The following CAVIN2 variants were observed in gnomAD, a reference collection of about 807,000 sequenced individuals.
CAVIN2 encodes caveolae-associated protein 2.
Under a neutral mutation model 11.7 loss-of-function variants are expected in CAVIN2, and 13 were observed. The observed-to-expected ratio is 1.11, with a 90% confidence interval of 0.72 to 1.77. The LOEUF (loss-of-function observed/expected upper bound fraction) is 1.77, where lower values mean the gene tolerates loss of function less well. CAVIN2 is among the 40% of genes most tolerant of loss of function. The pLI is 0.00. For synonymous variants in CAVIN2, 237 were observed against 223.2 expected (o/e 1.06, Z -0.55); for missense variants, 549 against 542.9 (o/e 1.01, Z -0.11).
chr2:191,844,982 T>A (rs535015284), intron 1 of CAVIN2, among the ~76,000 whole-genome samples: 2 of 152,244 alleles, frequency 1.3e-5, no homozygotes, highest in Non-Finnish European at 2.9e-5. Flanking sequence ...TCTGTACATG[T>A]TTGGTTTTGT....
Position 191,835,859 on chromosome 2 carries a change from AGTTTGTTCTTCAGCCCTGGCT to A in CAVIN2, c.*43_*63del. On this transcript the variant is annotated 3_prime_UTR_variant, in exon 2 of 2. Transcript: ENST00000304141. Reference sequence around the variant, plus strand: ...GTGAGTCGTGCTGGAGATGTGCAAGAGTTTGTTCTTCAGCCCTGGCTGCCCGCTTGAGCACAGCACAGGATG... The same window carrying A: ...GTGAGTCGTGCTGGAGATGTGCAAGAGCCCGCTTGAGCACAGCACAGGATG... The A allele has an allele frequency of 6.7e-7, 1 of 1,492,412 alleles. No individual in the cohort carries two copies. Among genetic ancestry groups the A allele is most frequent in the South Asian group, 1.2e-5 (1 of 80,494 alleles). 92.4% of individuals were successfully genotyped at this position (1,492,412 alleles called of 1,614,324 possible).
At chr2:191,838,452 C>T (rs763331098) in intron 1 of CAVIN2, among the ~76,000 whole-genome samples, 8 of 152,072 alleles carry the variant, frequency 5.3e-5, no homozygotes, top group African/African-American at 1.9e-4. Context: ...CTTGTGTCGA[C>T]GCAAAAAGCA....
At chr2:191,844,562 C>T (rs1177926147) in intron 1 of CAVIN2, among the ~76,000 whole-genome samples, 1 of 152,126 alleles carries the variant, frequency 6.6e-6, no homozygotes, top group Non-Finnish European at 1.5e-5. Context: ...ATATTCTTAG[C>T]TTCCAGTTTG....
intron 1 of CAVIN2, among the ~76,000 whole-genome samples, chr2:191,841,743 T>C (rs1397513668): frequency 2.6e-5 from 4 of 152,194 alleles, no homozygotes; most frequent in Admixed American, 2.0e-4. Flanking sequence ...GGGGCAGCAT[T>C]TACTTGGAAG....
Position 191,835,884 on chromosome 2 carries a change from C to CGT in CAVIN2, c.*38_*39insAC, listed in dbSNP as rs760926016. 6.4e-7 allele frequency: 1 copy of CGT among 1,568,700 alleles called. No individual in the cohort carries two copies. Among genetic ancestry groups the CGT allele is most frequent in the South Asian group, 1.2e-5 (1 of 85,846 alleles). On this transcript the variant is annotated 3_prime_UTR_variant, in exon 2 of 2. Coordinates refer to ENST00000304141, the MANE Select transcript of CAVIN2 (RefSeq NM_004657.6). ...AGTTTGTTCTTCAGCCCTGGCTGCC[C>CGT]GCTTGAGCACAGCACAGGATGGCAC...
Position 191,836,682 on chromosome 2 carries a change from T to C in CAVIN2, c.519A>G (p.Lys173=), listed in dbSNP as rs61742216. The change falls in exon 2 of 2, where the codon AAA becomes AAG. Residue 173 remains lysine, a synonymous_variant. Coordinates refer to ENST00000304141, the MANE Select transcript of CAVIN2 (RefSeq NM_004657.6). The part of the protein sequence containing the change: ...ENEIPASVFV[K]QPVSGAVEGK... ...CTTCCACGGCACCGGAAACGGGCTG[T>C]TTCACAAACACGCTGGCAGGGATCT... 6,770 of 1,613,768 alleles carry C rather than the reference T, an allele frequency of 4.2e-3. 242 individuals carry two copies. In the African/African-American group the frequency reaches 0.08, roughly 19 times the overall value.
Position 191,835,933 on chromosome 2 carries a change from T to C in CAVIN2, c.1268A>G (p.Gln423Arg). ...ACGGTGGCTCTAAGCTCAGGAGGTC[T>C]GGTGCACCTGGAGCACGGCGGGCTG... The part of the protein sequence containing the change: ...PVQPAVLQVH[Q>R]TS The change falls in exon 2 of 2, where the codon CAG (glutamine) becomes CGG (arginine). Residue 423 changes from glutamine to arginine, a missense_variant. Transcript: ENST00000304141. 1 of 1,611,800 alleles carries C rather than the reference T, an allele frequency of 6.2e-7. No homozygotes were observed. The highest frequency in any genetic ancestry group is 8.5e-7 in the Non-Finnish European group (1 of 1,179,550).
chr2:191,845,330 G>T (rs1008418480), intron 1 of CAVIN2, among the ~76,000 whole-genome samples: 1 of 152,216 alleles, frequency 6.6e-6, no homozygotes, highest in Non-Finnish European at 1.5e-5. Context: ...TGAAAAAGAA[G>T]ACTCCCTCGG....
chr2:191,837,616 C>T (rs1574194046), intron 1 of CAVIN2, among the ~76,000 whole-genome samples: 1 of 152,174 alleles, frequency 6.6e-6, no homozygotes, highest in South Asian at 2.1e-4. Context: ...GATGGCTCCT[C>T]TTGGCTCTCA....
chr2:191,836,389 ATCT>A lies in CAVIN2; in HGVS notation c.809_811del (p.Lys270del). The A allele has an allele frequency of 1.2e-6, 2 of 1,613,794 alleles. No individual in the cohort carries two copies. The highest frequency in any genetic ancestry group is 1.7e-6 in the Non-Finnish European group (2 of 1,179,916). On this transcript the variant is annotated inframe_deletion, in exon 2 of 2. Coordinates refer to ENST00000304141, the MANE Select transcript of CAVIN2 (RefSeq NM_004657.6). ...GTGATTTGACGTGAGAGATTTCTTA[ATCT>A]TCTCTCTCCTCTCTACAGATACGAT...
rs1287566890 is a variant in CAVIN2, at chr2:191,835,064, A to C, written c.*859T>G. The C allele has an allele frequency of 6.6e-6, 1 of 152,080 alleles. No homozygotes were observed. Among genetic ancestry groups the C allele is most frequent in the Non-Finnish European group, 1.5e-5 (1 of 67,970 alleles). 9.4% of individuals were successfully genotyped at this position (152,080 alleles called of 1,614,324 possible). ...AGAAAAATACAGCTTTAACACTATA[A>C]AATGTTTATTATTAAAAATATTAGA... is the stretch of plus-strand genomic sequence containing the variant. On this transcript the variant is annotated 3_prime_UTR_variant, in exon 2 of 2. Transcript: ENST00000304141.
intron 1 of CAVIN2, among the ~76,000 whole-genome samples, chr2:191,838,916 G>T (rs973916814): frequency 2.6e-5 from 4 of 152,244 alleles, no homozygotes; most frequent in Non-Finnish European, 5.9e-5. Context: ...AAGGAAGTTT[G>T]CTGACTGCTG....
In CAVIN2 at chr2:191,835,503, T is replaced by G. The variant is rs1003590299; in HGVS notation, c.*420A>C. 1 of 164,838 alleles carries G rather than the reference T, an allele frequency of 6.1e-6. No homozygotes were observed. The highest frequency in any genetic ancestry group is 1.7e-4 in the South Asian group (1 of 5,808). 10.2% of individuals were successfully genotyped at this position (164,838 alleles called of 1,614,324 possible). A position where few individuals can be genotyped will look rare whatever the true frequency, so the allele number is the denominator to read the frequency against. ...ATATTATATATCAACACTTAAAGAATAATAATTAGATTCACAGAGTACGGT... is the reference window on the plus strand; with the variant it reads ...ATATTATATATCAACACTTAAAGAAGAATAATTAGATTCACAGAGTACGGT... On this transcript the variant is annotated 3_prime_UTR_variant, in exon 2 of 2. Transcript: ENST00000304141.
intron 1 of CAVIN2, among the ~76,000 whole-genome samples, chr2:191,843,905 T>C (rs1690130141): frequency 6.6e-6 from 1 of 152,186 alleles, no homozygotes. Flanking sequence ...TGTTCAAGAG[T>C]ACGTGCTTTG....
chr2:191,835,647 A>T lies in CAVIN2; in HGVS notation c.*276T>A. ...CTCTGTTTTTTTCTGACTAAGTCAA[A>T]GAGATTAGCATTTTTCAACTGCTCA... On this transcript the variant is annotated 3_prime_UTR_variant, in exon 2 of 2. Coordinates refer to ENST00000304141, the MANE Select transcript of CAVIN2 (RefSeq NM_004657.6). 1 of 403,848 alleles carries T rather than the reference A, an allele frequency of 2.5e-6. No homozygotes were observed. Among genetic ancestry groups the T allele is most frequent in the Non-Finnish European group, 4.4e-6 (1 of 226,124 alleles). 25.0% of individuals were successfully genotyped at this position (403,848 alleles called of 1,614,324 possible). A position where few individuals can be genotyped will look rare whatever the true frequency, so the allele number is the denominator to read the frequency against.
At position 191,836,535 on chromosome 2, in the gene CAVIN2, C is replaced by A. The variant is rs147167417; in HGVS notation, c.666G>T (p.Lys222Asn). ...TTTTCTCTGCCCTACTTTCTTCCAC[C>A]TTTTCCTCGGCACTGTCTTCCAGGG... ...EEALEDSAEE[K>N]VEESRAEKIK... Residue 222 changes from lysine to asparagine, a missense_variant, in exon 2 of 2, where the codon AAG (lysine) becomes AAT (asparagine). By Grantham distance (94) the Lys-to-Asn change is moderately conservative (BLOSUM62 0). Transcript: ENST00000304141. 3.0e-5 allele frequency: 49 copies of A among 1,614,086 alleles called. No homozygotes were observed. In the African/African-American group the frequency reaches 5.7e-4, roughly 19 times the overall value.
At chr2:191,836,851 A>C (rs1035380421) in intron 1 of CAVIN2, 134 bp from the exon 2 acceptor site, 75 of 848,646 alleles carry the variant, frequency 8.8e-5, no homozygotes, top group Non-Finnish European at 1.2e-4. Context: ...TGAGTTTTCT[A>C]GAATAGGAAG....
Position 191,846,762 on chromosome 2 carries a change from G to A in CAVIN2, c.164C>T (p.Ala55Val), listed in dbSNP as rs376834747. Residue 55 changes from alanine (A) to valine (V), a missense_variant, in exon 1 of 2, where the codon GCA (alanine) becomes GTA (valine). Coordinates refer to ENST00000304141, the MANE Select transcript of CAVIN2 (RefSeq NM_004657.6). ...GTCCAGGAGCGTGAGCACCGTGACT[G>A]CGTTCACCTGTGAGTTGTCCCGGAT... ...EAIRDNSQVN[A>V]VTVLTLLDKL... 2 of 1,614,092 alleles carry A rather than the reference G, an allele frequency of 1.2e-6. No homozygotes were observed. Among genetic ancestry groups the A allele is most frequent in the African/African-American group, 2.7e-5 (2 of 74,932 alleles).
At position 191,846,586 on chromosome 2, in the gene CAVIN2, G is replaced by T. The variant is rs781069287; in HGVS notation, c.340C>A (p.Leu114Met). Residue 114 changes from leucine to methionine, a missense_variant, in exon 1 of 2, where the codon CTG becomes ATG. Transcript: ENST00000304141. Reference protein sequence around the residue: ...QASTSNTVSKLLEKSRKVSAH... With the variant: ...QASTSNTVSKMLEKSRKVSAH... ...CTGACCTTGCGGGACTTCTCCAGCA[G>T]CTTGCTCACCGTGTTGCTGGTGGAG... 9 of 1,614,264 alleles carry T rather than the reference G, an allele frequency of 5.6e-6. No individual in the cohort carries two copies. The South Asian group carries it at 9.9e-5, about 18-fold the overall frequency.
Sources: gnomAD v4.1 joint callset for allele counts (sites outside exome capture counted in the v4.1 genomes callset) on GRCh38, gnomAD v4.1.1 for gene constraint, MANE v1.5 for transcripts, NCBI Gene and HGNC (gene_info 2026-07-23, HGNC 2026-07-21) for gene names.